ASTN2: variants seen among roughly 807,000 people sequenced by gnomAD.
ASTN2 encodes astrotactin-2.
A neutral mutation model predicts 139.8 loss-of-function variants in ASTN2; 54 were observed. The observed-to-expected ratio is 0.39, with a 90% confidence interval of 0.31 to 0.48. The LOEUF (loss-of-function observed/expected upper bound fraction) is 0.48, where lower values mean the gene tolerates loss of function less well. Among genes scored for constraint, ASTN2 ranks in the 20% least tolerant of loss-of-function variants. The pLI, the probability that ASTN2 is intolerant of heterozygous loss-of-function variation, is 0.95. For synonymous variants in ASTN2, 756 were observed against 719.5 expected, an observed-to-expected ratio of 1.05 and a Z score of -0.81; for missense variants, 1,565 against 1,725.1, an observed-to-expected ratio of 0.91 and a Z score of 1.64.
At chr9:116,651,208 T>A (rs1051944730) in intron 17 of ASTN2, among the ~76,000 whole-genome samples, 2 of 152,052 alleles carry the variant, frequency 1.3e-5, no homozygotes, top group African/African-American at 4.8e-5. Flanking sequence ...TGAGCCACCA[T>A]GCCCAGCCTG....
At chr9:117,243,988 T>C (rs1432686062) in intron 2 of ASTN2, among the ~76,000 whole-genome samples, 1 of 152,120 alleles carries the variant, frequency 6.6e-6, no homozygotes, top group Admixed American at 6.5e-5. Flanking sequence ...AGGATGTGAA[T>C]CATGGGGGCA....
At chr9:117,248,135 ATCTCAAAACAT>A (rs1833435939) in intron 2 of ASTN2, among the ~76,000 whole-genome samples, 1 of 152,210 alleles carries the variant, frequency 6.6e-6, no homozygotes, top group African/African-American at 2.4e-5. Flanking sequence ...ATAGTCTCTG[ATCTCAAAACAT>A]TTCCCATCCT....
At chr9:116,770,114 A>AAC (rs1564257370) in intron 13 of ASTN2, among the ~76,000 whole-genome samples, 1 of 151,564 alleles carries the variant, frequency 6.6e-6, no homozygotes, top group East Asian at 1.9e-4. Context: ...AAAAAAAAAA[A>AAC]AAAAACTAAA....
chr9:117,138,443 G>A (rs976820976), intron 4 of ASTN2, among the ~76,000 whole-genome samples: 5 of 152,334 alleles, frequency 3.3e-5, no homozygotes, highest in African/African-American at 1.2e-4. Flanking sequence ...AAGCCAGTTT[G>A]GCTGGAGCAC....
intron 2 of ASTN2, among the ~76,000 whole-genome samples, chr9:117,264,346 G>A (rs540276868): frequency 3.9e-4 from 59 of 152,252 alleles, no homozygotes; most frequent in Admixed American, 1.1e-3. Flanking sequence ...AGACAAGTCT[G>A]GATTCAAATT....
At chr9:116,871,416 T>C (rs1833163428) in intron 10 of ASTN2, among the ~76,000 whole-genome samples, 2 of 152,228 alleles carry the variant, frequency 1.3e-5, no homozygotes, top group African/African-American at 4.8e-5. Context: ...AATATTTAAA[T>C]ATTTTCATCA....
intron 16 of ASTN2, among the ~76,000 whole-genome samples, chr9:116,720,304 G>A (rs553856064): frequency 6.6e-6 from 1 of 152,172 alleles, no homozygotes; most frequent in African/African-American, 2.4e-5. Flanking sequence ...TTTTAAAAGT[G>A]GCGACATGTA....
intron 4 of ASTN2, among the ~76,000 whole-genome samples, chr9:117,106,302 C>T (rs1171881529): frequency 6.6e-6 from 1 of 152,078 alleles, no homozygotes; most frequent in Non-Finnish European, 1.5e-5. Context: ...TCTCGGCTCA[C>T]TGCAACCTCC....
At chr9:116,706,760 ATTTTTTTTT>A (rs60395133) in intron 16 of ASTN2, among the ~76,000 whole-genome samples, 16 of 88,062 alleles carry the variant, frequency 1.8e-4, no homozygotes, top group South Asian at 7.5e-4. Flanking sequence ...GCTGGCTAGA[ATTTTTTTTT>A]TTTTTTTTTT....
intron 5 of ASTN2, among the ~76,000 whole-genome samples, chr9:117,045,571 G>T (rs1838710654): frequency 6.6e-6 from 1 of 152,110 alleles, no homozygotes; most frequent in Non-Finnish European, 1.5e-5. Context: ...AATTCGACCG[G>T]AAATAACTCA....
chr9:117,265,479 CAA>C (rs758462719), intron 2 of ASTN2, among the ~76,000 whole-genome samples: 53 of 152,130 alleles, frequency 3.5e-4, no homozygotes, highest in Admixed American at 5.9e-4. Context: ...AACCTCTAGC[CAA>C]AGAGTCACAT....
chr9:116,702,388 A>C (rs2132082233), intron 16 of ASTN2, among the ~76,000 whole-genome samples: 1 of 151,950 alleles, frequency 6.6e-6, no homozygotes, highest in East Asian at 1.9e-4. Flanking sequence ...GGTGATTAAA[A>C]CCTTTCTCAG....
At chr9:116,557,068 A>G (rs964759754) in intron 19 of ASTN2, among the ~76,000 whole-genome samples, 1 of 151,842 alleles carries the variant, frequency 6.6e-6, no homozygotes, top group East Asian at 1.9e-4. Context: ...AAAAAAATAC[A>G]AAAATATTAG....
At chr9:117,083,775 C>A (rs1034878030) in intron 5 of ASTN2, among the ~76,000 whole-genome samples, 1 of 152,142 alleles carries the variant, frequency 6.6e-6, no homozygotes. Context: ...TTTGCTTTAT[C>A]GCCTTTGGTC....
At chr9:116,995,073 TCATC>T (rs35065032) in intron 7 of ASTN2, among the ~76,000 whole-genome samples, 93,989 of 151,678 alleles carry the variant, frequency 0.62, 33,692 homozygotes, top group Non-Finnish European at 0.79. Context: ...ATTTGAATCT[TCATC>T]CATTTGAATC....
chr9:116,487,482 G>A lies in ASTN2; in HGVS notation c.3374C>T (p.Ala1125Val). The A allele has an allele frequency of 6.2e-7, 1 of 1,613,834 alleles. No homozygotes were observed. The highest frequency in any genetic ancestry group is 8.5e-7 in the Non-Finnish European group (1 of 1,179,900). Residue 1125 changes from alanine to valine, a missense_variant, in exon 20 of 23, where the codon GCT becomes GTT. Coordinates refer to ENST00000313400, the MANE Select transcript of ASTN2 (RefSeq NM_001365068.1). ...DLYTGEFLSFADDLLSGLGTS... is the reference protein window; with the variant it reads ...DLYTGEFLSFVDDLLSGLGTS... ...GCCCAGGCCAGAGAGTAAGTCATCA[G>A]CAAAACTCAGGAATTCTCCTGGAGG...
At chr9:117,224,164 G>A (rs988635705) in intron 2 of ASTN2, among the ~76,000 whole-genome samples, 5 of 152,302 alleles carry the variant, frequency 3.3e-5, no homozygotes, top group Middle Eastern at 3.4e-3. Flanking sequence ...ACATAGGTTC[G>A]TCTATTGACA....
At chr9:116,928,440 G>A (rs1175693704) in intron 10 of ASTN2, among the ~76,000 whole-genome samples, 1 of 152,168 alleles carries the variant, frequency 6.6e-6, no homozygotes, top group Non-Finnish European at 1.5e-5. Flanking sequence ...ACACCCCTGA[G>A]CTCATGTTTA....
chr9:116,746,423 C>G (rs972419912), intron 13 of ASTN2, among the ~76,000 whole-genome samples: 4 of 152,050 alleles, frequency 2.6e-5, no homozygotes, highest in Admixed American at 1.3e-4. Flanking sequence ...CTTACTTCAT[C>G]CTATCCTCTG....
Sources: allele counts gnomAD v4.1 joint callset (sites outside exome capture counted in the v4.1 genomes callset), GRCh38; gene constraint gnomAD v4.1.1; transcripts MANE v1.5; gene names NCBI Gene and HGNC (gene_info 2026-07-23, HGNC 2026-07-21).